CAMTA1: variants seen among roughly 807,000 people sequenced by gnomAD.
CAMTA1 encodes calmodulin-binding transcription activator 1.
A neutral mutation model predicts 170.9 loss-of-function variants in CAMTA1; 27 were observed. That is an observed-to-expected ratio of 0.16 (90% confidence interval 0.12 to 0.22). CAMTA1 has a LOEUF of 0.22. Ranked by LOEUF, CAMTA1 falls within the 10% of genes least tolerant of loss-of-function variation. CAMTA1 has a pLI of 1.00. For synonymous variants in CAMTA1, 833 were observed against 891.5 expected, an observed-to-expected ratio of 0.93 and a Z score of 1.17; for missense variants, 1,619 against 2,217.2, an observed-to-expected ratio of 0.73 and a Z score of 5.42.
intron 1 of CAMTA1, among the ~76,000 whole-genome samples, chr1:6,790,785 T>C (rs914243742): frequency 2.0e-5 from 3 of 152,222 alleles, no homozygotes; most frequent in Non-Finnish European, 2.9e-5. Context: ...TTATTATTTT[T>C]GTAAATTGCC....
chr1:6,976,953 T>G (rs1029358677), intron 3 of CAMTA1, among the ~76,000 whole-genome samples: 2 of 152,312 alleles, frequency 1.3e-5, no homozygotes, highest in African/African-American at 4.8e-5. Flanking sequence ...TGCACATGAT[T>G]TCTTGCCTGC....
intron 6 of CAMTA1, among the ~76,000 whole-genome samples, chr1:7,479,238 C>A (rs1329236570): frequency 6.6e-6 from 1 of 152,232 alleles, no homozygotes; most frequent in Non-Finnish European, 1.5e-5. Context: ...AGACACACCA[C>A]CTGCTTCGGA....
intron 11 of CAMTA1, 104 bp downstream of exon 11, chr1:7,677,837 G>A (rs2096138063): frequency 1.5e-6 from 2 of 1,368,524 alleles, no homozygotes; most frequent in Non-Finnish European, 2.0e-6. Flanking sequence ...GAAAGGGGCA[G>A]GAAGTGGTGC....
chr1:7,101,100 C>T (rs945666403), intron 4 of CAMTA1, among the ~76,000 whole-genome samples: 2 of 152,180 alleles, frequency 1.3e-5, no homozygotes, highest in African/African-American at 4.8e-5. Context: ...TATTTGCATG[C>T]CCTGTCCGTG....
At chr1:6,903,492 G>T (rs996226498) in intron 3 of CAMTA1, among the ~76,000 whole-genome samples, 2 of 152,164 alleles carry the variant, frequency 1.3e-5, no homozygotes, top group African/African-American at 2.4e-5. Flanking sequence ...TCATCATTAT[G>T]TGCATTTTGC....
At chr1:7,489,743 C>T (rs2093674493) in intron 6 of CAMTA1, among the ~76,000 whole-genome samples, 3 of 152,210 alleles carry the variant, frequency 2.0e-5, no homozygotes, top group Non-Finnish European at 4.4e-5. Context: ...TGGAGGCGAT[C>T]CTCATTCCTT....
chr1:7,039,266 CCTT>C, intron 3 of CAMTA1, among the ~76,000 whole-genome samples: 1 of 152,240 alleles, frequency 6.6e-6, no homozygotes, highest in East Asian at 1.9e-4. Context: ...CCTCCTCCTC[CCTT>C]CTTTTTTACT....
chr1:7,616,222 C>T (rs1010019605), intron 6 of CAMTA1, among the ~76,000 whole-genome samples: 5 of 152,210 alleles, frequency 3.3e-5, no homozygotes, highest in African/African-American at 1.2e-4. Flanking sequence ...ATTAGAGGTG[C>T]CATTGCACAA....
intron 4 of CAMTA1, among the ~76,000 whole-genome samples, chr1:7,101,826 T>C (rs1573035291): frequency 1.3e-5 from 2 of 152,160 alleles, no homozygotes. Flanking sequence ...TATACACATG[T>C]ACACATGTAG....
intron 4 of CAMTA1, among the ~76,000 whole-genome samples, chr1:7,196,239 T>A (rs1442410038): frequency 6.6e-6 from 1 of 152,104 alleles, no homozygotes. Context: ...TGGTAAGACG[T>A]GCTTGCTTCC....
chr1:6,809,912 G>A (rs1173727327), intron 1 of CAMTA1, among the ~76,000 whole-genome samples: 1 of 152,180 alleles, frequency 6.6e-6, no homozygotes, highest in African/African-American at 2.4e-5. Flanking sequence ...GAGAATAAAG[G>A]AGTAGAGATA....
intron 6 of CAMTA1, among the ~76,000 whole-genome samples, chr1:7,499,480 G>A (rs1336352190): frequency 1.5e-5 from 2 of 137,192 alleles, no homozygotes; most frequent in Non-Finnish European, 3.1e-5. Flanking sequence ...GTGTACATGA[G>A]TGTGTAGAGA....
chr1:7,016,781 A>G (rs952992634), intron 3 of CAMTA1, among the ~76,000 whole-genome samples: 1 of 152,062 alleles, frequency 6.6e-6, no homozygotes, highest in Non-Finnish European at 1.5e-5. Flanking sequence ...GGTTGCAGTG[A>G]GCTGAGATTG....
chr1:7,564,393 A>C (rs745469029), intron 6 of CAMTA1, among the ~76,000 whole-genome samples: 1 of 152,240 alleles, frequency 6.6e-6, no homozygotes, highest in Non-Finnish European at 1.5e-5. Flanking sequence ...GTGAACCCTG[A>C]AAATTAATTA....
In CAMTA1 at chr1:7,732,401, C is replaced by T. The variant is rs2096740659; in HGVS notation, c.2915-47C>T. On this transcript the variant is annotated intron_variant, in intron 11 of 22. Transcript: ENST00000303635. The surrounding 1 kb of genome is among the most constrained non-coding windows in gnomAD (Gnocchi z 4.1). ...GGCTGGCGAGGCCACGTGTTGACTG[C>T]TTTTCTTCCAGAACACAACCTCACT... The T allele has an allele frequency of 6.3e-7, 1 of 1,580,058 alleles. No homozygotes were observed. The highest frequency in any genetic ancestry group is 1.3e-5 in the African/African-American group (1 of 74,144).
intron 3 of CAMTA1, among the ~76,000 whole-genome samples, chr1:6,899,942 CTG>C (rs1168231366): frequency 2.6e-5 from 4 of 152,232 alleles, no homozygotes; most frequent in Non-Finnish European, 5.9e-5. Context: ...ATTGCCAACA[CTG>C]TGCGTGTTTG....
At chr1:7,179,430 T>A (rs1454266561) in intron 4 of CAMTA1, among the ~76,000 whole-genome samples, 3 of 152,226 alleles carry the variant, frequency 2.0e-5, no homozygotes, top group African/African-American at 7.2e-5. Context: ...TGTATACATT[T>A]ATGCCACAAT....
intron 11 of CAMTA1, among the ~76,000 whole-genome samples, chr1:7,679,021 T>A (rs771882193): frequency 2.6e-5 from 4 of 152,100 alleles, no homozygotes; most frequent in Non-Finnish European, 5.9e-5. Flanking sequence ...AGGAGACAAT[T>A]CCCTGGGGTG....
intron 3 of CAMTA1, among the ~76,000 whole-genome samples, chr1:6,985,048 A>G (rs1043524232): frequency 9.2e-5 from 14 of 152,192 alleles, no homozygotes; most frequent in African/African-American, 3.4e-4. Flanking sequence ...CCGTTTGATG[A>G]CTGCCTGGCC....
Sources: allele counts gnomAD v4.1 joint callset (sites outside exome capture counted in the v4.1 genomes callset), GRCh38; gene constraint gnomAD v4.1.1; non-coding constraint Gnocchi (gnomAD v3.1); transcripts MANE v1.5; gene names NCBI Gene and HGNC (gene_info 2026-07-23, HGNC 2026-07-21).